Variants in SMAD3 observed in about 807,000 individuals in gnomAD.
SMAD3 encodes MAD homolog 3.
A neutral mutation model predicts 51.8 loss-of-function variants in SMAD3; 12 were observed. The observed-to-expected ratio is 0.23, with a 90% CI of 0.15 to 0.38. The LOEUF is 0.38. Ranked by LOEUF, SMAD3 falls within the 10% of genes least tolerant of loss-of-function variation. The pLI, the probability that SMAD3 is intolerant of heterozygous loss-of-function variation, is 1.00. For missense variants in SMAD3, 294 were observed against 565.6 expected, an observed-to-expected ratio of 0.52 and a Z score of 4.87; for synonymous variants, 238 against 227.7, an observed-to-expected ratio of 1.05 and a Z score of -0.41.
intron 1 of SMAD3, among the ~76,000 whole-genome samples, chr15:67,070,482 A>C (rs1331169190): frequency 6.6e-6 from 1 of 151,808 alleles, no homozygotes; most frequent in Non-Finnish European, 1.5e-5. Flanking sequence ...TGATTTATTG[A>C]TATTTATTGG....
chr15:67,096,005 G>A (rs1383768732), intron 1 of SMAD3, among the ~76,000 whole-genome samples: 2 of 152,226 alleles, frequency 1.3e-5, no homozygotes, highest in Non-Finnish European at 2.9e-5. Context: ...GAGAGTCAAA[G>A]TGAGTGTGAG....
At chr15:67,080,528 G>C (rs1960258492) in intron 1 of SMAD3, among the ~76,000 whole-genome samples, 1 of 152,190 alleles carries the variant, frequency 6.6e-6, no homozygotes, top group Admixed American at 6.5e-5. Context: ...GTGCAACTTG[G>C]ATGATATTTA....
rs1427747969 is a variant in SMAD3, at chr15:67,079,879, G to A, written c.206+13519G>A. Among the ~76,000 whole-genome samples, 7 of 152,178 alleles carry A rather than the reference G, an allele frequency of 4.6e-5. No homozygotes were observed. The East Asian group carries it at 1.3e-3, about 29-fold the overall frequency. On this transcript the variant is annotated intron_variant, in intron 1 of 8. Transcript: ENST00000327367. Reference sequence around the variant, plus strand: ...CATTATTCTCATTTGGTAAATGACAGAAACAAGGTTCAGATTACTTAGGTA... The same window carrying A: ...CATTATTCTCATTTGGTAAATGACAAAAACAAGGTTCAGATTACTTAGGTA...
rs1595882137 is a variant in SMAD3, at chr15:67,066,280, C to G, written c.126C>G (p.Leu42=). ...CGGTCAAGAGCCTGGTCAAGAAACT[C>G]AAGAAGACGGGGCAGCTGGACGAGC... ...EKAVKSLVKK[L]KKTGQLDELE... is the part of the protein sequence containing the mutation. The change falls in exon 1 of 9, where the codon CTC becomes CTG. Residue 42 remains leucine, a synonymous_variant. Coordinates refer to ENST00000327367, the MANE Select transcript of SMAD3 (RefSeq NM_005902.4). 1.2e-6 allele frequency: 2 copies of G among 1,613,788 alleles called. No individual in the cohort carries two copies. Among genetic ancestry groups the G allele is most frequent in the Middle Eastern group, 1.7e-4 (1 of 6,060 alleles).
intron 1 of SMAD3, among the ~76,000 whole-genome samples, chr15:67,103,306 T>C (rs1353533316): frequency 6.6e-6 from 1 of 152,184 alleles, no homozygotes; most frequent in African/African-American, 2.4e-5. Context: ...ACAAGGCACA[T>C]GGCCTCCTTG....
intron 1 of SMAD3, among the ~76,000 whole-genome samples, chr15:67,109,207 A>C (rs1960947349): frequency 6.6e-6 from 1 of 152,246 alleles, no homozygotes; most frequent in Non-Finnish European, 1.5e-5. Context: ...CTTGTAAGAC[A>C]TAATTTTCAT....
intron 1 of SMAD3, among the ~76,000 whole-genome samples, chr15:67,133,351 C>T (rs900614609): frequency 1.4e-4 from 21 of 152,070 alleles, no homozygotes; most frequent in African/African-American, 4.8e-4. Context: ...TCTTTTACAC[C>T]GTAACATAAC....
intron 1 of SMAD3, among the ~76,000 whole-genome samples, chr15:67,075,286 C>G (rs770565600): frequency 3.9e-5 from 6 of 152,124 alleles, no homozygotes; most frequent in East Asian, 3.9e-4. Flanking sequence ...CTTTTTCTTA[C>G]CCTTATTGAA....
intron 7 of SMAD3, among the ~76,000 whole-genome samples, chr15:67,186,106 C>T (rs530826047): frequency 2.5e-4 from 38 of 152,374 alleles, no homozygotes; most frequent in East Asian, 1.5e-3. Flanking sequence ...TAAGGAGACG[C>T]TTTGAGAGAC....
chr15:67,147,255 C>T (rs1962003505), intron 1 of SMAD3, among the ~76,000 whole-genome samples: 1 of 152,182 alleles, frequency 6.6e-6, no homozygotes, highest in Non-Finnish European at 1.5e-5. Flanking sequence ...CTGCAGTGGA[C>T]TGTGGCCCCA....
chr15:67,153,798 G>A (rs749909798), intron 1 of SMAD3, among the ~76,000 whole-genome samples: 1 of 152,112 alleles, frequency 6.6e-6, no homozygotes, highest in Non-Finnish European at 1.5e-5. Context: ...TCTGGGCCTC[G>A]CCAAATCCAT....
At chr15:67,130,348 G>A (rs2140251998) in intron 1 of SMAD3, among the ~76,000 whole-genome samples, 1 of 152,294 alleles carries the variant, frequency 6.6e-6, no homozygotes, top group South Asian at 2.1e-4. Flanking sequence ...CAACCCCGGG[G>A]CCGTGGACTG....
At chr15:67,166,921 C>G in intron 4 of SMAD3, 68 bp downstream of exon 4, 4 of 1,250,854 alleles carry the variant, frequency 3.2e-6, no homozygotes, top group Non-Finnish European at 4.6e-6. Flanking sequence ...CCCTTCCATC[C>G]CTTCCTCTTC....
At chr15:67,128,716 T>A (rs1961449489) in intron 1 of SMAD3, among the ~76,000 whole-genome samples, 1 of 151,990 alleles carries the variant, frequency 6.6e-6, no homozygotes, top group Non-Finnish European at 1.5e-5. Context: ...GGACTGCAGG[T>A]GCACGCCACC....
intron 1 of SMAD3, among the ~76,000 whole-genome samples, chr15:67,084,570 C>G (rs561970875): frequency 1.2e-4 from 18 of 152,296 alleles, no homozygotes; most frequent in Non-Finnish European, 2.2e-4. Context: ...CACATATTTA[C>G]TGAGCTTCTT....
At chr15:67,100,180 T>TAAAAAAA (rs34746545) in intron 1 of SMAD3, among the ~76,000 whole-genome samples, 2 of 109,892 alleles carry the variant, frequency 1.8e-5, no homozygotes. Context: ...AAACTCCATC[T>TAAAAAAA]AAAAAAAAAA....
chr15:67,131,541 G>A (rs113278508), intron 1 of SMAD3, among the ~76,000 whole-genome samples: 13 of 152,328 alleles, frequency 8.5e-5, no homozygotes, highest in African/African-American at 2.9e-4. Flanking sequence ...ACTGCGCAGG[G>A]TGCTGGTCAC....
rs959504 is a variant in SMAD3 at position 67,138,395 on chromosome 15, T to C, written c.207-26500T>C. 0.99 allele frequency: 402,606 copies of C among 407,934 alleles called. 198,882 individuals are homozygous for C. The highest frequency in any genetic ancestry group is 1 in the East Asian group (21,740 of 21,740). 25.3% of individuals were successfully genotyped at this position (407,934 alleles called of 1,614,324 possible). On this transcript the variant is annotated intron_variant, in intron 1 of 8. Transcript: ENST00000327367. ...GAGCTTGCTTGCCATCGCAGTGGAT[T>C]TGCGGAAGAGGGTTCCAGAGTGTGG...
chr15:67,099,455 G>A (rs1454735392), intron 1 of SMAD3, among the ~76,000 whole-genome samples: 2 of 152,232 alleles, frequency 1.3e-5, no homozygotes, highest in African/African-American at 2.4e-5. Flanking sequence ...AGGATTTTCT[G>A]TTTTGGTAAA....
Sources: gnomAD v4.1 joint callset for allele counts (sites outside exome capture counted in the v4.1 genomes callset) on GRCh38, gnomAD v4.1.1 for gene constraint, MANE v1.5 for transcripts, NCBI Gene and HGNC (gene_info 2026-07-23, HGNC 2026-07-21) for gene names.